The following CIP2A variants were observed in gnomAD, a reference collection of about 807,000 sequenced individuals.
The protein encoded by CIP2A is cellular inhibitor of PP2A, also known as protein CIP2A.
CIP2A carries 103 observed loss-of-function variants against 110.9 expected under a neutral mutation model. That is an observed-to-expected ratio of 0.93 (90% CI 0.79 to 1.09). The LOEUF (loss-of-function observed/expected upper bound fraction) is 1.09. Ranked by LOEUF, CIP2A falls within the 50% of genes least tolerant of loss-of-function variation. CIP2A has a pLI of 0.00. For missense variants in CIP2A, 1,088 were observed against 1,038.4 expected (o/e 1.05, Z -0.66); for synonymous variants, 381 against 361.6 (o/e 1.05, Z -0.61).
intron 8 of CIP2A, among the ~76,000 whole-genome samples, chr3:108,571,998 T>C (rs1292950596): frequency 1.3e-5 from 2 of 152,168 alleles, no homozygotes; most frequent in Non-Finnish European, 2.9e-5. Flanking sequence ...TTCATGTTTA[T>C]TGACCAATTC....
At chr3:108,585,834 T>C (rs1939024036) in intron 1 of CIP2A, 2 of 451,338 alleles carry the variant, frequency 4.4e-6, no homozygotes, top group Non-Finnish European at 8.9e-6. Flanking sequence ...ATTTTATTTC[T>C]GATTATTCCA....
chr3:108,576,652 ATTTTT>A (rs1398435873), intron 7 of CIP2A, among the ~76,000 whole-genome samples: 2 of 152,126 alleles, frequency 1.3e-5, no homozygotes, highest in Non-Finnish European at 2.9e-5. Context: ...CAATTGCTCT[ATTTTT>A]TTAAGATTGT....
chr3:108,569,237 A>G (rs1224626885), intron 9 of CIP2A, 152 bp downstream of exon 9: 1 of 586,926 alleles, frequency 1.7e-6, no homozygotes, highest in Non-Finnish European at 3.0e-6. Flanking sequence ...TGACTGGCAG[A>G]AAAAAACCTA....
At chr3:108,585,796 T>C (rs1576321664) in intron 1 of CIP2A, 1 of 452,176 alleles carries the variant, frequency 2.2e-6, no homozygotes, top group East Asian at 7.0e-5. Flanking sequence ...TGAATCTTTT[T>C]TTAAGTAGCC....
intron 19 of CIP2A, among the ~76,000 whole-genome samples, 188 bp from the exon 20 acceptor site, chr3:108,552,561 A>C (rs912800754): frequency 6.6e-6 from 1 of 152,158 alleles, no homozygotes; most frequent in Non-Finnish European, 1.5e-5. Flanking sequence ...TTCTAAATAT[A>C]ATATGCTATA....
At chr3:108,572,177 T>C (rs1046586338) in intron 8 of CIP2A, among the ~76,000 whole-genome samples, 4 of 152,078 alleles carry the variant, frequency 2.6e-5, no homozygotes, top group African/African-American at 9.7e-5. Context: ...TTTTCATAAA[T>C]AGAAACTTAA....
intron 1 of CIP2A, among the ~76,000 whole-genome samples, chr3:108,587,971 G>A (rs1286762867): frequency 6.6e-6 from 1 of 152,066 alleles, no homozygotes; most frequent in Admixed American, 6.6e-5. Context: ...TAGAGACGGG[G>A]TTTCGCATGT....
chr3:108,565,306 G>A (rs1409186023), intron 12 of CIP2A, 49 bp downstream of exon 12: 1 of 871,630 alleles, frequency 1.1e-6, no homozygotes, highest in Non-Finnish European at 1.8e-6. Flanking sequence ...CTTATATTAG[G>A]ACCATTTATG....
In CIP2A at chr3:108,557,407, G is replaced by A; in HGVS notation, c.2021C>T (p.Thr674Ile). Residue 674 changes from threonine to isoleucine, a missense_variant, in exon 17 of 21, where the codon ACA (threonine) becomes ATA (isoleucine). Coordinates refer to ENST00000295746, the MANE Select transcript of CIP2A (RefSeq NM_020890.3). Reference protein sequence around the residue: ...QRTQAETEARTLASMLREVER... With the variant: ...QRTQAETEARILASMLREVER... ...AACTTCTCTCAACATACTAGCAAGT[G>A]TCCGTGCCTCAAAAAAAAAAAGAAG... The A allele has an allele frequency of 6.3e-7, 1 of 1,575,966 alleles. No individual in the cohort carries two copies. The highest frequency in any genetic ancestry group is 1.2e-5 in the South Asian group (1 of 86,478).
At chr3:108,573,449 ATTTATT>A (rs1363418862) in intron 8 of CIP2A, among the ~76,000 whole-genome samples, 7 of 151,610 alleles carry the variant, frequency 4.6e-5, no homozygotes, top group Non-Finnish European at 1.0e-4. Context: ...TTAAATTTTT[ATTTATT>A]TTTATTTTTT....
At chr3:108,558,573 G>GA (rs1401733519) in intron 16 of CIP2A, among the ~76,000 whole-genome samples, 2 of 152,152 alleles carry the variant, frequency 1.3e-5, no homozygotes, top group African/African-American at 2.4e-5. Flanking sequence ...ATGAGTGAGG[G>GA]AAAAAAGAAT....
chr3:108,581,963 C>T (rs1439233439), intron 4 of CIP2A, 145 bp downstream of exon 4: 1 of 428,924 alleles, frequency 2.3e-6, no homozygotes, highest in Non-Finnish European at 4.3e-6. Flanking sequence ...TCCTTAAAAT[C>T]ATCTGGGCAG....
intron 19 of CIP2A, 81 bp downstream of exon 19, chr3:108,553,567 T>TA (rs76336584): frequency 0.22 from 269,298 of 1,202,078 alleles, 33,756 homozygotes; most frequent in East Asian, 0.45. Flanking sequence ...AAGTAGAAAA[T>TA]AAAAAAGCAA....
intron 4 of CIP2A, 48 bp downstream of exon 4, chr3:108,582,060 A>G: frequency 1.1e-6 from 1 of 909,020 alleles, no homozygotes; most frequent in Non-Finnish European, 1.7e-6. Context: ...TTGTAATTTA[A>G]AAATAAACAA....
chr3:108,571,323 CAGT>C (rs1204682115), intron 8 of CIP2A, among the ~76,000 whole-genome samples: 1 of 152,094 alleles, frequency 6.6e-6, no homozygotes, highest in Non-Finnish European at 1.5e-5. Context: ...GCTGGCAGCT[CAGT>C]AGGTTTGTTT....
chr3:108,553,352 T>C (rs1937645978), intron 19 of CIP2A, among the ~76,000 whole-genome samples: 1 of 151,884 alleles, frequency 6.6e-6, no homozygotes, highest in African/African-American at 2.4e-5. Context: ...GGTCTCAAAC[T>C]CCTGAGCTCA....
At chr3:108,575,741 T>C (rs1938597311) in intron 8 of CIP2A, among the ~76,000 whole-genome samples, 1 of 57,964 alleles carries the variant, frequency 1.7e-5, no homozygotes, top group Non-Finnish European at 3.6e-5. Context: ...CGTGTATATA[T>C]ACTCATATAC....
At chr3:108,565,505 CTTGT>C in intron 11 of CIP2A, 51 bp from the exon 12 acceptor site, 1 of 969,368 alleles carries the variant, frequency 1.0e-6, no homozygotes, top group Non-Finnish European at 1.6e-6. Context: ...TTTCTTAGAG[CTTGT>C]TTCTGTCCAA....
At chr3:108,574,885 G>C (rs111330812) in intron 8 of CIP2A, 1 of 152,800 alleles carries the variant, frequency 6.5e-6, no homozygotes, top group South Asian at 2.0e-4. Context: ...CCCATGCAGC[G>C]CCAAGTTCAA....
Sources: allele counts gnomAD v4.1 joint callset (sites outside exome capture counted in the v4.1 genomes callset), GRCh38; gene constraint gnomAD v4.1.1; transcripts MANE v1.5; gene names NCBI Gene and HGNC (gene_info 2026-07-23, HGNC 2026-07-21).